Variants in CTR9 observed in about 807,000 individuals in gnomAD.
CTR9 encodes RNA polymerase-associated protein CTR9 homolog.
A neutral mutation model predicts 152.1 loss-of-function variants in CTR9; 41 were observed. The ratio of observed to expected loss-of-function variants is 0.27; its 90% CI spans 0.21 to 0.35. CTR9 has a LOEUF of 0.35. Among genes scored for constraint, CTR9 ranks in the 10% least tolerant of loss-of-function variants. The pLI, the probability that CTR9 is intolerant of heterozygous loss-of-function variation, is 1.00. For synonymous variants in CTR9, 476 were observed against 496.2 expected (o/e 0.96, Z 0.54); for missense variants, 917 against 1,424.4 (o/e 0.64, Z 5.73).
chr11:10,774,101 G>A lies in CTR9; in HGVS notation c.2817G>A (p.Lys939=). 2 of 1,609,258 alleles carry A rather than the reference G, an allele frequency of 1.2e-6. No individual in the cohort carries two copies. The highest frequency in any genetic ancestry group is 1.3e-5 in the African/African-American group (1 of 74,922). Residue 939 remains lysine (K), a synonymous_variant, in exon 22 of 25, where the codon AAG becomes AAA. Coordinates refer to ENST00000361367, the MANE Select transcript of CTR9 (RefSeq NM_014633.5). ...LPISKKKKRR[K]GSGSEQEGED... ...TATCCAAAAAGAAGAAGAGAAGAAA[G>A]GGTAGTGGCAGTGAACAAGAAGGTG...
At position 10,767,648 on chromosome 11, in the gene CTR9, G is replaced by T; in HGVS notation, c.1687-158G>T. On this transcript the variant is annotated intron_variant, in intron 13 of 24. Coordinates refer to ENST00000361367, the MANE Select transcript of CTR9 (RefSeq NM_014633.5). This position sits in a 1 kb window ranked among gnomAD's most constrained non-coding sequence, Gnocchi z 4.0. ...TAGCATTAGTAGTTCGATAAATTTG[G>T]ATTGCCATGCAAAAAAAAAAAGAAA... 1.5e-6 allele frequency: 1 copy of T among 678,532 alleles called. No homozygotes were observed. The highest frequency in any genetic ancestry group is 2.5e-6 in the Non-Finnish European group (1 of 399,212). The allele number at this position is 678,532 out of a possible 1,614,324, so 42.0% of individuals were successfully genotyped here.
In CTR9 at chr11:10,752,780, C is replaced by T; in HGVS notation, c.144+10C>T. 3.1e-6 allele frequency: 5 copies of T among 1,599,234 alleles called. No homozygotes were observed. The highest frequency in any genetic ancestry group is 4.3e-6 in the Non-Finnish European group (5 of 1,168,606). ...ATGGATTGCTTTGGCGGTCAGTATT[C>T]ATGTAGCAAATATTTTTTATTTGTT... On this transcript the variant is annotated intron_variant, in intron 2 of 24. Transcript: ENST00000361367.
chr11:10,755,390 G>C (rs545288729), intron 3 of CTR9, among the ~76,000 whole-genome samples, 193 bp downstream of exon 3: 1 of 152,310 alleles, frequency 6.6e-6, no homozygotes, highest in African/African-American at 2.4e-5. Context: ...ATGGACAAAT[G>C]TAGTACATAA....
chr11:10,760,255 G>A lies in CTR9; in HGVS notation c.675G>A (p.Leu225=), dbSNP rs1564966624. 1.2e-6 allele frequency: 2 copies of A among 1,614,036 alleles called. No homozygotes were observed. The highest frequency in any genetic ancestry group is 2.2e-5 in the East Asian group (1 of 44,872). Residue 225 remains leucine, a synonymous_variant, in exon 6 of 25, where the codon CTG becomes CTA. Transcript: ENST00000361367. ...CTCGTCTGGCATTCAGCAGAGCCCT[G>A]GAACTCAATTCCAAATGCGTGGGAG... ...EKARLAFSRA[L]ELNSKCVGAL...
intron 5 of CTR9, among the ~76,000 whole-genome samples, chr11:10,759,635 G>A (rs1862944663): frequency 6.6e-6 from 1 of 151,974 alleles, no homozygotes; most frequent in East Asian, 1.9e-4. Flanking sequence ...TGATCCAGTA[G>A]AGAGAAAAAA....
chr11:10,755,217 T>C lies in CTR9; in HGVS notation c.384+20T>C. 1 of 1,587,036 alleles carries C rather than the reference T, an allele frequency of 6.3e-7. No individual in the cohort carries two copies. On this transcript the variant is annotated intron_variant, in intron 3 of 24. Coordinates refer to ENST00000361367, the MANE Select transcript of CTR9 (RefSeq NM_014633.5). ...GATCAGGTAAAAATAAAGTCAAATTTCTTTCCATTTATGAAGGGAGAAAAG... is the reference window on the plus strand; with the variant it reads ...GATCAGGTAAAAATAAAGTCAAATTCCTTTCCATTTATGAAGGGAGAAAAG...
chr11:10,756,764 C>T lies in CTR9; in HGVS notation c.518C>T (p.Ser173Phe). The T allele has an allele frequency of 6.2e-7, 1 of 1,610,860 alleles. No individual in the cohort carries two copies. The highest frequency in any genetic ancestry group is 8.5e-7 in the Non-Finnish European group (1 of 1,178,754). ...ATCATTACAGGTAAAGCTTGCATTTCCTTCAACAAGAAGGATTACAGAGGA... is the reference window on the plus strand; with the variant it reads ...ATCATTACAGGTAAAGCTTGCATTTTCTTCAACAAGAAGGATTACAGAGGA... ...IPALLGKACI[S>F]FNKKDYRGAL... The change falls in exon 5 of 25, where the codon TCC becomes TTC. Residue 173 changes from serine (S) to phenylalanine (F), a missense_variant. By Grantham distance (155) the Ser-to-Phe change is radical (BLOSUM62 -2). Around this residue, in one of 9 missense-constraint regions of CTR9, gnomAD observed 110 missense variants for 149.5 expected, o/e 0.74. Transcript: ENST00000361367.
chr11:10,779,309 A>G lies in CTR9; in HGVS notation c.*204A>G. The G allele has an allele frequency of 5.5e-6, 3 of 549,016 alleles. No homozygotes were observed. The highest frequency in any genetic ancestry group is 2.4e-5 in the South Asian group (1 of 42,088). The allele number at this position is 549,016 out of a possible 1,614,324, so 34.0% of individuals were successfully genotyped here. On this transcript the variant is annotated 3_prime_UTR_variant, in exon 25 of 25. Coordinates refer to ENST00000361367, the MANE Select transcript of CTR9 (RefSeq NM_014633.5). ...TTGAGTCTCTCGTGCAAATGAGACT[A>G]TTCTTTGTGGTACAATTCCACCTAT...
intron 4 of CTR9, 91 bp downstream of exon 4, chr11:10,755,886 C>A: frequency 1.5e-6 from 1 of 672,554 alleles, no homozygotes; most frequent in Non-Finnish European, 2.6e-6. Flanking sequence ...AATAACTCAG[C>A]TAGACAGCAA....
Position 10,755,078 on chromosome 11 carries a change from T to C in CTR9, c.265T>C (p.Leu89=). 1 of 1,614,108 alleles carries C rather than the reference T, an allele frequency of 6.2e-7. No homozygotes were observed. Among genetic ancestry groups the C allele is most frequent in the East Asian group, 2.2e-5 (1 of 44,860 alleles). ...EKDQMTCLDT[L]AAYYVQQARK... ...AGACCAGATGACTTGCTTGGATACA[T>C]TGGCAGCGTATTATGTACAACAGGC... Residue 89 remains leucine, a synonymous_variant, in exon 3 of 25, where the codon TTG becomes CTG. Coordinates refer to ENST00000361367, the MANE Select transcript of CTR9 (RefSeq NM_014633.5).
intron 5 of CTR9, among the ~76,000 whole-genome samples, chr11:10,758,246 A>T (rs1862917959): frequency 6.6e-6 from 1 of 152,166 alleles, no homozygotes; most frequent in Admixed American, 6.5e-5. Flanking sequence ...ACCTATATTT[A>T]AAAGGTTCGT....
intron 2 of CTR9, among the ~76,000 whole-genome samples, chr11:10,754,307 T>C (rs1488174532): frequency 1.3e-5 from 2 of 152,244 alleles, no homozygotes; most frequent in African/African-American, 2.4e-5. Flanking sequence ...TCTTTCACTA[T>C]TGTTTTCTCT....
intron 5 of CTR9, among the ~76,000 whole-genome samples, chr11:10,757,749 G>A (rs1862908814): frequency 6.6e-6 from 1 of 152,140 alleles, no homozygotes; most frequent in Non-Finnish European, 1.5e-5. Flanking sequence ...AAAAGTTCCT[G>A]CCCTCATGGA....
At chr11:10,757,168 C>G (rs1183909590) in intron 5 of CTR9, among the ~76,000 whole-genome samples, 6 of 151,880 alleles carry the variant, frequency 4.0e-5, no homozygotes, top group Non-Finnish European at 8.8e-5. Context: ...ACCTGTGGTC[C>G]CAGCTCCTTA....
chr11:10,759,500 G>A (rs557661995), intron 5 of CTR9, among the ~76,000 whole-genome samples: 4 of 152,324 alleles, frequency 2.6e-5, no homozygotes, highest in Admixed American at 6.5e-5. Flanking sequence ...CATAGCAAGC[G>A]TAGCTAGATC....
At chr11:10,754,848 AT>A (rs1862860327) in intron 2 of CTR9, 109 bp from the exon 3 acceptor site, 1 of 1,122,772 alleles carries the variant, frequency 8.9e-7, no homozygotes, top group Admixed American at 2.7e-5. Flanking sequence ...CAACATTTTG[AT>A]TGTTTCCAGT....
intron 1 of CTR9, among the ~76,000 whole-genome samples, chr11:10,751,892 A>G (rs1164366208): frequency 6.6e-6 from 1 of 152,082 alleles, no homozygotes; most frequent in African/African-American, 2.4e-5. Context: ...CTTCTCCCTT[A>G]GAAACTCGAG....
At chr11:10,765,934 T>TAA (rs1199186998) in intron 12 of CTR9, among the ~76,000 whole-genome samples, 1 of 152,072 alleles carries the variant, frequency 6.6e-6, no homozygotes, top group African/African-American at 2.4e-5. Flanking sequence ...AACAACAACT[T>TAA]ACATTTGTGT....
intron 7 of CTR9, among the ~76,000 whole-genome samples, chr11:10,762,869 G>A (rs1334276326): frequency 2.0e-5 from 3 of 151,952 alleles, no homozygotes; most frequent in Admixed American, 1.3e-4. Context: ...GCTGGACATG[G>A]TGGCACATAC....
Sources: allele counts gnomAD v4.1 joint callset (sites outside exome capture counted in the v4.1 genomes callset), GRCh38; gene constraint gnomAD v4.1.1; regional missense constraint gnomAD v4.1.1; non-coding constraint Gnocchi (gnomAD v3.1); transcripts MANE v1.5; gene names NCBI Gene and HGNC (gene_info 2026-07-23, HGNC 2026-07-21).